The following LTBR variants were observed in gnomAD, a reference collection of about 807,000 sequenced individuals.
The protein encoded by LTBR is lymphotoxin beta receptor.
In LTBR, 15 loss-of-function variants were observed where a neutral mutation model predicts 45.4. The observed-to-expected ratio is 0.33, with a 90% CI of 0.22 to 0.51. LTBR has a LOEUF of 0.51. Ranked by LOEUF, LTBR falls within the 20% of genes least tolerant of loss-of-function variation. LTBR has a pLI of 0.97. For missense variants in LTBR, 450 were observed against 565.5 expected, an observed-to-expected ratio of 0.80 and a Z score of 2.07; for synonymous variants, 228 against 231.0, an observed-to-expected ratio of 0.99 and a Z score of 0.12.
chr12:6,381,546 GC>G (rs1181396317), upstream of LTBR, among the ~76,000 whole-genome samples: 1 of 152,224 alleles, frequency 6.6e-6, no homozygotes, highest in Non-Finnish European at 1.5e-5. Flanking sequence ...GGGCTGAAGC[GC>G]CAGCTTACGG....
Position 6,375,702 on chromosome 12 carries a change from C to T in LTBR, c.39+108C>T, listed in dbSNP as rs759031799. 7.8e-5 allele frequency: 112 copies of T among 1,435,406 alleles called. 1 individual carries two copies. The Middle Eastern group carries it at 9.1e-4, about 12-fold the overall frequency. The allele number at this position is 1,435,406 out of a possible 1,614,324, so 88.9% of individuals were successfully genotyped here. ...ACTGGGAGTACTGGACCTGAGAAGG[C>T]GGACTCTGGGCAGGGGCTTTAGACG... On this transcript the variant is annotated intron_variant, in intron 1 of 9. Transcript: ENST00000539925.
At chr12:6,382,352 A>G (rs1948992922), upstream of LTBR, among the ~76,000 whole-genome samples, 1 of 152,216 alleles carries the variant, frequency 6.6e-6, no homozygotes, top group Non-Finnish European at 1.5e-5. Context: ...CTGGGTAAGG[A>G]GTATATGGGA....
At chr12:6,382,274 T>G (rs1948991965), upstream of LTBR, among the ~76,000 whole-genome samples, 1 of 152,116 alleles carries the variant, frequency 6.6e-6, no homozygotes, top group South Asian at 2.1e-4. Flanking sequence ...TAATGAGGGA[T>G]TTGAAGAGTG....
chr12:6,380,705 AG>A (rs777009132), upstream of LTBR, among the ~76,000 whole-genome samples: 2 of 149,708 alleles, frequency 1.3e-5, no homozygotes, highest in Non-Finnish European at 3.0e-5. Context: ...AAAAAAAAAA[AG>A]AAGAAGAAGA....
At position 6,375,560 on chromosome 12, in the gene LTBR, A is replaced by AATCTCATT; in HGVS notation, c.6_7insTCTCATTA (p.Ala3SerfsTer3). ...CCGCCCGCTGGCCGGCCAGGGATGG[A>AATCTCATT]AGCGACAGGAATCTCATTAGCATCT... is the stretch of plus-strand genomic sequence containing the variant. On this transcript the variant is annotated frameshift_variant, in exon 1 of 10. Coordinates refer to the LTBR transcript ENST00000539925. LOFTEE classifies it high-confidence loss of function. 1 of 1,530,938 alleles carries AATCTCATT rather than the reference A, an allele frequency of 6.5e-7. No homozygotes were observed. Among genetic ancestry groups the AATCTCATT allele is most frequent in the Non-Finnish European group, 8.7e-7 (1 of 1,143,832 alleles). 94.8% of individuals were successfully genotyped at this position (1,530,938 alleles called of 1,614,324 possible). A position where few individuals can be genotyped will look rare whatever the true frequency, so the allele number is the denominator to read the frequency against.
rs772511553 is a variant in LTBR, at chr12:6,390,964, G to C, written c.*27G>C. 6.6e-7 allele frequency: 1 copy of C among 1,503,958 alleles called. No homozygotes were observed. Among genetic ancestry groups the C allele is most frequent in the Non-Finnish European group, 8.9e-7 (1 of 1,124,952 alleles). 93.2% of individuals were successfully genotyped at this position (1,503,958 alleles called of 1,614,324 possible). A position where few individuals can be genotyped will look rare whatever the true frequency, so the allele number is the denominator to read the frequency against. On this transcript the variant is annotated 3_prime_UTR_variant, in exon 10 of 10. Coordinates refer to ENST00000228918, the MANE Select transcript of LTBR (RefSeq NM_002342.3). ...TGAGTCTGAGAAAAGGCAGAAGAAGGGGGGCACAAGGGCACCTTCTCCCTT... is the reference window on the plus strand; with the variant it reads ...TGAGTCTGAGAAAAGGCAGAAGAAGCGGGGCACAAGGGCACCTTCTCCCTT...
At chr12:6,375,768 G>A (rs1338407955) in intron 1 of LTBR, 2 of 1,407,982 alleles carry the variant, frequency 1.4e-6, no homozygotes, top group Non-Finnish European at 1.8e-6. Context: ...GGCAGGTGAG[G>A]GGCAAAGATC....
rs1033227966 is a variant in LTBR at position 6,388,612 on chromosome 12, C to A, written c.775+107C>A. 83 of 1,106,758 alleles carry A rather than the reference C, an allele frequency of 7.5e-5. No individual in the cohort carries two copies. The highest frequency in any genetic ancestry group is 9.6e-5 in the Non-Finnish European group (70 of 732,022). The allele number at this position is 1,106,758 out of a possible 1,614,324, so 68.6% of individuals were successfully genotyped here. A position where few individuals can be genotyped will look rare whatever the true frequency, so the allele number is the denominator to read the frequency against. On this transcript the variant is annotated intron_variant, in intron 7 of 9. Transcript: ENST00000228918. The surrounding 1 kb of genome is among the most constrained non-coding windows in gnomAD (Gnocchi z 4.3). ...ACACCCTCAAGACTCCCAATGCCTACCCCCAACATAGACATCCTTATCTTC... is the reference window on the plus strand; with the variant it reads ...ACACCCTCAAGACTCCCAATGCCTAACCCCAACATAGACATCCTTATCTTC...
At chr12:6,382,115 C>T (rs1388987841), upstream of LTBR, among the ~76,000 whole-genome samples, 1 of 151,934 alleles carries the variant, frequency 6.6e-6, no homozygotes, top group African/African-American at 2.4e-5. Context: ...TATGTTACAC[C>T]TCTATTAAAA....
chr12:6,390,402 G>T, intron 9 of LTBR, 62 bp downstream of exon 9: 1 of 1,407,254 alleles, frequency 7.1e-7, no homozygotes, highest in Non-Finnish European at 9.8e-7. Context: ...GGCAGGGAGA[G>T]ACTGTGGGCC....
chr12:6,375,459 T>C, exon 1 of LTBR: 2 of 1,535,334 alleles, frequency 1.3e-6, no homozygotes, highest in African/African-American at 1.4e-5. Flanking sequence ...CTGGGACTGG[T>C]TCCTTTCCAG....
In LTBR at chr12:6,386,539, C is replaced by A. The variant is rs1949051608; in HGVS notation, c.667+95C>A. The A allele has an allele frequency of 9.3e-6, 9 of 972,888 alleles. No homozygotes were observed. Among genetic ancestry groups the A allele is most frequent in the East Asian group, 2.6e-5 (1 of 38,454 alleles). 60.3% of individuals were successfully genotyped at this position (972,888 alleles called of 1,614,324 possible). ...AAAAATGGGGAAAAGATGAACACTT[C>A]CCTCCCAGAATTGGGCAAGAAGAAA... On this transcript the variant is annotated intron_variant, in intron 6 of 9. Transcript: ENST00000228918. The surrounding 1 kb of genome is among the most constrained non-coding windows in gnomAD (Gnocchi z 4.1).
At position 6,388,856 on chromosome 12, in the gene LTBR, A is replaced by T. The variant is rs778460016; in HGVS notation, c.801+31A>T. Reference sequence around the variant, plus strand: ...GGCGGGGGCTGAGAAGGCAGCAAGAAGGGGAAGAGGTGATGAGGGTACAAG... The same window carrying T: ...GGCGGGGGCTGAGAAGGCAGCAAGATGGGGAAGAGGTGATGAGGGTACAAG... On this transcript the variant is annotated intron_variant, in intron 8 of 9. Transcript: ENST00000228918. This position sits in a 1 kb window ranked among gnomAD's most constrained non-coding sequence, Gnocchi z 4.3. 6.2e-7 allele frequency: 1 copy of T among 1,613,754 alleles called. No homozygotes were observed. The highest frequency in any genetic ancestry group is 2.2e-5 in the East Asian group (1 of 44,874).
rs1258782884 is a variant in LTBR at position 6,388,533 on chromosome 12, G to A, written c.775+28G>A. Reference sequence around the variant, plus strand: ...AGGAAAGGGTTGGATGCAGTGGATGGTTGGCAATGGGAGCCGGAGGGAGGA... The same window carrying A: ...AGGAAAGGGTTGGATGCAGTGGATGATTGGCAATGGGAGCCGGAGGGAGGA... On this transcript the variant is annotated intron_variant, in intron 7 of 9. Transcript: ENST00000228918. This position sits in a 1 kb window ranked among gnomAD's most constrained non-coding sequence, Gnocchi z 4.3. The A allele has an allele frequency of 6.3e-7, 1 of 1,587,050 alleles. No individual in the cohort carries two copies. The highest frequency in any genetic ancestry group is 8.7e-7 in the Non-Finnish European group (1 of 1,155,484).
intron 1 of LTBR, among the ~76,000 whole-genome samples, chr12:6,376,516 G>A (rs576799283): frequency 3.3e-5 from 5 of 152,242 alleles, no homozygotes; most frequent in African/African-American, 9.6e-5. Flanking sequence ...TGTGGCCAGC[G>A]CTGGAAAGGA....
chr12:6,385,303 T>C lies in LTBR; in HGVS notation c.396T>C (p.Cys132=), dbSNP rs1244124448. 1.9e-6 allele frequency: 3 copies of C among 1,614,078 alleles called. No homozygotes were observed. Among genetic ancestry groups the C allele is most frequent in the Non-Finnish European group, 2.5e-6 (3 of 1,180,008 alleles). ...TQCRCQPGMF[C]AAWALECTHC... is the part of the protein sequence containing the mutation. ...GCCGCTGCCAGCCGGGAATGTTCTG[T>C]GCTGCCTGGGCCCTCGAGTGTACAC... is the stretch of plus-strand genomic sequence containing the variant. The change falls in exon 4 of 10, where the codon TGT becomes TGC. Residue 132 remains cysteine, a synonymous_variant. Coordinates refer to ENST00000228918, the MANE Select transcript of LTBR (RefSeq NM_002342.3).
At position 6,390,212 on chromosome 12, in the gene LTBR, T is replaced by C. The variant is rs144056108; in HGVS notation, c.902T>C (p.Val301Ala). The C allele has an allele frequency of 1.2e-6, 2 of 1,613,948 alleles. No homozygotes were observed. Among genetic ancestry groups the C allele is most frequent in the African/African-American group, 1.3e-5 (1 of 74,896 alleles). ...VQPLLPISGD[V>A]SPVSTGLPAA... Reference sequence around the variant, plus strand: ...CCACTGCTACCCATTTCTGGAGATGTTTCCCCAGTATCCACTGGGCTCCCC... The same window carrying C: ...CCACTGCTACCCATTTCTGGAGATGCTTCCCCAGTATCCACTGGGCTCCCC... The change falls in exon 9 of 10, where the codon GTT (valine) becomes GCT (alanine). Residue 301 changes from valine to alanine, a missense_variant. Transcript: ENST00000228918.
chr12:6,384,793 C>T, intron 2 of LTBR, 109 bp downstream of exon 2: 1 of 1,160,970 alleles, frequency 8.6e-7, no homozygotes. Flanking sequence ...GGAAAACTGG[C>T]TGCTGGAGAC....
Position 6,388,591 on chromosome 12 carries a change from C to A in LTBR, c.775+86C>A. The A allele has an allele frequency of 8.3e-7, 1 of 1,211,218 alleles. No homozygotes were observed. The highest frequency in any genetic ancestry group is 1.2e-6 in the Non-Finnish European group (1 of 821,156). 75.0% of individuals were successfully genotyped at this position (1,211,218 alleles called of 1,614,324 possible). ...ACTTCCCCGGTGCAACCCTCCACAC[C>A]CTCAAGACTCCCAATGCCTACCCCC... On this transcript the variant is annotated intron_variant, in intron 7 of 9. Coordinates refer to ENST00000228918, the MANE Select transcript of LTBR (RefSeq NM_002342.3). The surrounding 1 kb of genome is among the most constrained non-coding windows in gnomAD (Gnocchi z 4.3).
Sources: allele counts gnomAD v4.1 joint callset (sites outside exome capture counted in the v4.1 genomes callset), GRCh38; gene constraint gnomAD v4.1.1; non-coding constraint Gnocchi (gnomAD v3.1); transcripts MANE v1.5; gene names NCBI Gene and HGNC (gene_info 2026-07-23, HGNC 2026-07-21).